FBXO21: variants seen among roughly 807,000 people sequenced by gnomAD.
The protein encoded by FBXO21 is F-box protein 21.
FBXO21 carries 32 observed loss-of-function variants against 76.6 expected under a neutral mutation model. The observed-to-expected ratio is 0.42, with a 90% confidence interval of 0.32 to 0.56. The LOEUF is 0.56. Among genes scored for constraint, FBXO21 ranks in the 20% least tolerant of loss-of-function variants. The pLI, the probability that FBXO21 is intolerant of heterozygous loss-of-function variation, is 0.16. For synonymous variants in FBXO21, 328 were observed against 311.5 expected (o/e 1.05, Z -0.56); for missense variants, 586 against 797.3 (o/e 0.73, Z 3.19).
Position 117,150,960 on chromosome 12 carries a change from G to T in FBXO21, c.1676-4683C>A, listed in dbSNP as rs1375398923. ...GTTTGGAAGTATCAAATAAGTTTGT[G>T]TGTGTGTGTGTGTGTGTGTGTGTGT... is the stretch of plus-strand genomic sequence containing the variant. On this transcript the variant is annotated intron_variant, in intron 11 of 11. Coordinates refer to ENST00000622495, the MANE Select transcript of FBXO21 (RefSeq NM_015002.3). 4.2e-4 allele frequency among the ~76,000 whole-genome samples: 9 copies of T among 21,526 alleles called. 1 individual carries two copies. The highest frequency in any genetic ancestry group is 3.4e-3 in the South Asian group (2 of 594). The allele number at this position is 21,526 out of a possible 152,430, so 14.1% of individuals were successfully genotyped here. A position where few individuals can be genotyped will look rare whatever the true frequency, so the allele number is the denominator to read the frequency against.
chr12:117,155,067 AT>A (rs1266508137), intron 11 of FBXO21: 3 of 152,260 alleles, frequency 2.0e-5, no homozygotes, highest in African/African-American at 7.2e-5. Context: ...ATTCACATTC[AT>A]TTTTATTAAT....
At chr12:117,171,351 C>T (rs1314367679) in intron 7 of FBXO21, among the ~76,000 whole-genome samples, 1 of 121,164 alleles carries the variant, frequency 8.3e-6, no homozygotes, top group African/African-American at 3.1e-5. Context: ...CAGCCAGACC[C>T]TGTCTCAAAA....
intron 1 of FBXO21, among the ~76,000 whole-genome samples, chr12:117,189,776 G>A (rs1196305047): frequency 1.3e-5 from 2 of 152,110 alleles, no homozygotes; most frequent in African/African-American, 2.4e-5. Flanking sequence ...AAGGGAAGTC[G>A]CTCCCCCCAA....
rs372676385 is a variant in FBXO21 at position 117,148,047 on chromosome 12, G to A, written c.1676-1770C>T. ...CCTGAAACACAAAGTCAGGGCATCA[G>A]AGGCCCTGCATCCCCGAAGTACACA... is the stretch of plus-strand genomic sequence containing the variant. On this transcript the variant is annotated intron_variant, in intron 11 of 11. Coordinates refer to ENST00000622495, the MANE Select transcript of FBXO21 (RefSeq NM_015002.3). Among the ~76,000 whole-genome samples, 7 of 152,360 alleles carry A rather than the reference G, an allele frequency of 4.6e-5. No individual in the cohort carries two copies. In the East Asian group the frequency reaches 1.3e-3, roughly 29 times the overall value.
intron 11 of FBXO21, 86 bp downstream of exon 11, chr12:117,155,705 A>C: frequency 7.1e-7 from 1 of 1,418,290 alleles, no homozygotes; most frequent in South Asian, 1.3e-5. Context: ...CCGATGGCCC[A>C]CGCCCACAGT....
chr12:117,164,692 A>T (rs903307492), intron 9 of FBXO21, among the ~76,000 whole-genome samples: 2 of 152,202 alleles, frequency 1.3e-5, no homozygotes, highest in Admixed American at 1.3e-4. Flanking sequence ...AGCAATGTAG[A>T]GTCACTTGTA....
chr12:117,190,031 CG>C (rs1000444624), intron 1 of FBXO21, among the ~76,000 whole-genome samples, 186 bp downstream of exon 1: 11 of 152,060 alleles, frequency 7.2e-5, no homozygotes, highest in African/African-American at 2.7e-4. Flanking sequence ...TTTGGGGACC[CG>C]GGGGTCCGCC....
chr12:117,188,217 CAG>C, intron 2 of FBXO21, among the ~76,000 whole-genome samples: 1 of 152,192 alleles, frequency 6.6e-6, no homozygotes, highest in South Asian at 2.1e-4. Flanking sequence ...GATTATTTTC[CAG>C]AGTTACAAAA....
At chr12:117,186,391 A>AT in intron 3 of FBXO21, 86 bp downstream of exon 3, 3 of 910,202 alleles carry the variant, frequency 3.3e-6, no homozygotes, top group Non-Finnish European at 5.3e-6. Context: ...GGAATCACAT[A>AT]TTCCAGGGTT....
chr12:117,152,874 T>C (rs926444719), intron 11 of FBXO21, among the ~76,000 whole-genome samples: 2 of 152,128 alleles, frequency 1.3e-5, no homozygotes, highest in African/African-American at 4.8e-5. Flanking sequence ...TTGAATTGAC[T>C]AGAGGGTAAA....
In FBXO21 at chr12:117,177,573, T is replaced by C. The variant is rs11556202; in HGVS notation, c.539A>G (p.Asn180Ser). 2.7e-5 allele frequency: 43 copies of C among 1,613,842 alleles called. No individual in the cohort carries two copies. Among genetic ancestry groups the C allele is most frequent in the Admixed American group, 5.0e-5 (3 of 60,004 alleles). The change falls in exon 4 of 12, where the codon AAT becomes AGT. Residue 180 changes from asparagine to serine, a missense_variant. Around this residue, in one of 6 missense-constraint regions of FBXO21, gnomAD observed 246 missense variants for 356.8 expected, o/e 0.69. Coordinates refer to ENST00000622495, the MANE Select transcript of FBXO21 (RefSeq NM_015002.3). ...LYYLRQQKIL[N>S]NLKAFLQQPD... ...CTGCTGAAGAAAGGCCTTAAGATTATTTAAGATCTTCTGTTGCCGCAGGTA... is the reference window on the plus strand; with the variant it reads ...CTGCTGAAGAAAGGCCTTAAGATTACTTAAGATCTTCTGTTGCCGCAGGTA...
chr12:117,180,379 T>A, intron 3 of FBXO21, among the ~76,000 whole-genome samples: 1 of 152,248 alleles, frequency 6.6e-6, no homozygotes, highest in East Asian at 1.9e-4. Context: ...TGCACTTACA[T>A]ATACCTACAT....
chr12:117,165,361 G>T (rs1474790242), intron 9 of FBXO21, 124 bp downstream of exon 9: 1 of 1,013,354 alleles, frequency 9.9e-7, no homozygotes, highest in Non-Finnish European at 1.4e-6. Context: ...GGTTATGATT[G>T]GGAGACTGAA....
At chr12:117,153,806 C>A (rs1444775501) in intron 11 of FBXO21, among the ~76,000 whole-genome samples, 1 of 152,226 alleles carries the variant, frequency 6.6e-6, no homozygotes, top group Non-Finnish European at 1.5e-5. Flanking sequence ...GCTAACATTA[C>A]CCATCATTTA....
intron 11 of FBXO21, among the ~76,000 whole-genome samples, chr12:117,146,802 T>C (rs1467472705): frequency 6.6e-6 from 1 of 152,182 alleles, no homozygotes. Flanking sequence ...GAGCAGCCTC[T>C]TTCCAGGGCT....
At chr12:117,190,102 G>C in intron 1 of FBXO21, 116 bp downstream of exon 1, 1 of 394,104 alleles carries the variant, frequency 2.5e-6, no homozygotes, top group South Asian at 9.9e-5. Context: ...CGCGGGAAGG[G>C]GTCCGGGGTG....
intron 2 of FBXO21, 81 bp downstream of exon 2, chr12:117,189,146 G>T: frequency 3.3e-6 from 5 of 1,519,452 alleles, no homozygotes; most frequent in Non-Finnish European, 4.6e-6. Context: ...GATACGAAAA[G>T]AGCTGGATGA....
In FBXO21 at chr12:117,174,353, A is replaced by C. The variant is rs1956152689; in HGVS notation, c.740-12T>G. 5.0e-6 allele frequency: 8 copies of C among 1,613,984 alleles called. No homozygotes were observed. The highest frequency in any genetic ancestry group is 1.6e-4 in the Middle Eastern group (1 of 6,062). On this transcript the variant is annotated splice_polypyrimidine_tract_variant and intron_variant, in intron 5 of 11. Coordinates refer to ENST00000622495, the MANE Select transcript of FBXO21 (RefSeq NM_015002.3). ...CATGGATGATTCACCTGAAACACAG[A>C]GATCTACTCTGGGACCCAAGCACAA... is the stretch of plus-strand genomic sequence containing the variant.
In FBXO21 at chr12:117,142,287, C is replaced by A. The variant is rs1024017314; in HGVS notation, c.*3800G>T. ...CCTGTATTCCACATCCGGCTTCCCA[C>A]CCACGCACACGCAGTATGACCTGGG... On this transcript the variant is annotated 3_prime_UTR_variant, in exon 12 of 12. Coordinates refer to ENST00000622495, the MANE Select transcript of FBXO21 (RefSeq NM_015002.3). 3.3e-5 allele frequency: 5 copies of A among 152,208 alleles called. No individual in the cohort carries two copies. The highest frequency in any genetic ancestry group is 1.2e-4 in the African/African-American group (5 of 41,440). 9.4% of individuals were successfully genotyped at this position (152,208 alleles called of 1,614,324 possible). A position where few individuals can be genotyped will look rare whatever the true frequency, so the allele number is the denominator to read the frequency against.
Sources: gnomAD v4.1 joint callset for allele counts (sites outside exome capture counted in the v4.1 genomes callset) on GRCh38, gnomAD v4.1.1 for gene constraint, gnomAD v4.1.1 regional missense constraint, MANE v1.5 for transcripts, NCBI Gene and HGNC (gene_info 2026-07-23, HGNC 2026-07-21) for gene names.